Variants in EWSR1 observed in about 807,000 individuals in gnomAD.
The protein encoded by EWSR1 is RNA-binding protein EWS.
In EWSR1, 14 loss-of-function variants were observed where a neutral mutation model predicts 92.1. The observed-to-expected ratio is 0.15, with a 90% CI of 0.10 to 0.24. EWSR1 has a LOEUF of 0.24. EWSR1 is among the 10% of genes least tolerant of loss of function. The pLI, the probability that EWSR1 is intolerant of heterozygous loss-of-function variation, is 1.00. For synonymous variants in EWSR1, 303 were observed against 292.9 expected, an observed-to-expected ratio of 1.03 and a Z score of -0.35; for missense variants, 637 against 870.9, an observed-to-expected ratio of 0.73 and a Z score of 3.38.
chr22:29,289,973 CAT>C (rs1289460489), intron 8 of EWSR1: 1 of 231,916 alleles, frequency 4.3e-6, no homozygotes, highest in African/African-American at 2.2e-5. Context: ...TTAAAATAGA[CAT>C]AGACACTTGA....
Position 29,299,745 on chromosome 22 carries a change from G to A in EWSR1, c.1825G>A (p.Gly609Ser). 1 of 1,610,180 alleles carries A rather than the reference G, an allele frequency of 6.2e-7. No individual in the cohort carries two copies. The highest frequency in any genetic ancestry group is 8.5e-7 in the Non-Finnish European group (1 of 1,177,690). The part of the protein sequence containing the change: ...FRGGRGMDRG[G>S]FGGGRRGGPG... Reference sequence around the variant, plus strand: ...TGGTGGCCGGGGCATGGACCGAGGTGGCTTTGGTGGAGGAAGACGAGGTGG... The same window carrying A: ...TGGTGGCCGGGGCATGGACCGAGGTAGCTTTGGTGGAGGAAGACGAGGTGG... Residue 609 changes from glycine (G) to serine (S), a missense_variant, in exon 16 of 17, where the codon GGC becomes AGC. Gly to Ser is a moderately conservative substitution (Grantham distance 56). Transcript: ENST00000397938.
At chr22:29,273,258 C>T (rs1359925357) in intron 3 of EWSR1, among the ~76,000 whole-genome samples, 1 of 152,216 alleles carries the variant, frequency 6.6e-6, no homozygotes, top group Admixed American at 6.5e-5. Flanking sequence ...TTTTGTCAGG[C>T]TGAAAATCTG....
At chr22:29,287,161 T>G in intron 7 of EWSR1, 27 bp downstream of exon 7, 3 of 1,602,624 alleles carry the variant, frequency 1.9e-6, no homozygotes, top group East Asian at 2.2e-5. Context: ...GAAAACCAAA[T>G]AAGAATGAAT....
intron 11 of EWSR1, among the ~76,000 whole-genome samples, chr22:29,293,399 T>G (rs1442455411): frequency 6.6e-6 from 1 of 152,232 alleles, no homozygotes; most frequent in African/African-American, 2.4e-5. Context: ...GTTCTTGCTC[T>G]TCTGTATTAG....
chr22:29,291,491 GC>G, intron 8 of EWSR1, 70 bp from the exon 9 acceptor site: 9 of 1,475,436 alleles, frequency 6.1e-6, no homozygotes, highest in Non-Finnish European at 8.3e-6. Flanking sequence ...TTCCCCACGA[GC>G]CCCCCCAAGG....
rs760040574 is a variant in EWSR1 at position 29,299,637 on chromosome 22, G to A, written c.1717G>A (p.Gly573Arg). 1 of 1,608,404 alleles carries A rather than the reference G, an allele frequency of 6.2e-7. No homozygotes were observed. Among genetic ancestry groups the A allele is most frequent in the Non-Finnish European group, 8.5e-7 (1 of 1,177,042 alleles). The change falls in exon 16 of 17, where the codon GGA becomes AGA. Residue 573 changes from glycine to arginine, a missense_variant. Gly to Arg is a moderately radical substitution (Grantham distance 125). This residue lies in a region of EWSR1 where 363 missense variants were observed against 447.8 expected (regional missense o/e 0.81). Coordinates refer to ENST00000397938, the MANE Select transcript of EWSR1 (RefSeq NM_005243.4). ...RGRGGPGGMR[G>R]GRGGLMDRGG... ...CAGAGGTGGCCCTGGTGGCATGCGG[G>A]GAGGAAGAGGTGGCCTCATGGATCG...
intron 6 of EWSR1, among the ~76,000 whole-genome samples, chr22:29,283,080 T>C (rs2059740873): frequency 6.6e-6 from 1 of 152,188 alleles, no homozygotes; most frequent in African/African-American, 2.4e-5. Flanking sequence ...AACTATTCTT[T>C]CTAAATACAA....
At position 29,278,044 on chromosome 22, in the gene EWSR1, A is replaced by G. The variant is rs768951742; in HGVS notation, c.241A>G (p.Thr81Ala). 2 of 1,613,682 alleles carry G rather than the reference A, an allele frequency of 1.2e-6. No homozygotes were observed. The highest frequency in any genetic ancestry group is 1.3e-5 in the African/African-American group (1 of 74,922). The stretch of plus-strand genomic sequence containing the variant: ...CTTTGTTCTAGGTTATACTACTCCA[A>G]CTGCCCCCCAGGCATACAGCCAGCC... ...GQPPTGYTTP[T>A]APQAYSQPVQ... The change falls in exon 5 of 17, where the codon ACT becomes GCT. Residue 81 changes from threonine (T) to alanine (A), a missense_variant. Coordinates refer to ENST00000397938, the MANE Select transcript of EWSR1 (RefSeq NM_005243.4).
At chr22:29,288,857 C>CTG in intron 8 of EWSR1, 71 bp downstream of exon 8, 4 of 1,342,164 alleles carry the variant, frequency 3.0e-6, no homozygotes, top group Non-Finnish European at 4.0e-6. Context: ...AAAGAAGGGA[C>CTG]TGAAAGACAT....
At position 29,299,743 on chromosome 22, in the gene EWSR1, G is replaced by C; in HGVS notation, c.1823G>C (p.Gly608Ala). The change falls in exon 16 of 17, where the codon GGT becomes GCT. Residue 608 changes from glycine (G) to alanine (A), a missense_variant. By Grantham distance (60) the Gly-to-Ala change is moderately conservative. This residue lies in a region of EWSR1 where 363 missense variants were observed against 447.8 expected (regional missense o/e 0.81). Transcript: ENST00000397938. ...GFRGGRGMDR[G>A]GFGGGRRGGP... ...CGTGGTGGCCGGGGCATGGACCGAG[G>C]TGGCTTTGGTGGAGGAAGACGAGGT... 6.2e-7 allele frequency: 1 copy of C among 1,610,648 alleles called. No homozygotes were observed. The highest frequency in any genetic ancestry group is 8.5e-7 in the Non-Finnish European group (1 of 1,177,976).
chr22:29,280,898 T>A (rs1006011591), intron 5 of EWSR1, among the ~76,000 whole-genome samples: 1 of 87,982 alleles, frequency 1.1e-5, no homozygotes, highest in African/African-American at 5.8e-5. Context: ...TTTTTTTTTT[T>A]TGACAGAGTC....
chr22:29,276,092 T>G (rs1384146736), intron 4 of EWSR1: 2 of 231,950 alleles, frequency 8.6e-6, no homozygotes, highest in Non-Finnish European at 8.5e-6. Context: ...TGTTGCTGCA[T>G]AGTTTTATGA....
chr22:29,280,938 G>A (rs1175061840), intron 5 of EWSR1, among the ~76,000 whole-genome samples: 2 of 132,324 alleles, frequency 1.5e-5, no homozygotes, highest in African/African-American at 5.8e-5. Context: ...GGAGTGCAGT[G>A]GCGCCATCTC....
chr22:29,274,216 G>C (rs1438798389), intron 4 of EWSR1: 2 of 1,604,064 alleles, frequency 1.2e-6, no homozygotes. Context: ...TCACATGTTT[G>C]CTTCATCTGA....
intron 7 of EWSR1, 60 bp downstream of exon 7, chr22:29,287,194 G>T: frequency 2.0e-6 from 3 of 1,522,412 alleles, no homozygotes; most frequent in East Asian, 4.8e-5. Context: ...TTTTTGTGGG[G>T]TTGATTTTTT....
chr22:29,289,847 A>C (rs989180537), intron 8 of EWSR1: 32 of 231,192 alleles, frequency 1.4e-4, no homozygotes, highest in Non-Finnish European at 2.5e-4. Flanking sequence ...TGAAATCTTT[A>C]TTGGAAGAAA....
chr22:29,289,910 C>T (rs2060321335), intron 8 of EWSR1: 1 of 230,430 alleles, frequency 4.3e-6, no homozygotes, highest in Non-Finnish European at 8.6e-6. Context: ...TAAAATCAAT[C>T]TTCTGATTTG....
intron 6 of EWSR1, 94 bp from the exon 7 acceptor site, chr22:29,286,829 C>G (rs1257094861): frequency 1.2e-6 from 1 of 867,836 alleles, no homozygotes; most frequent in African/African-American, 1.7e-5. Context: ...ATGTCTGTGT[C>G]ACATGGTGTG....
intron 5 of EWSR1, among the ~76,000 whole-genome samples, chr22:29,280,089 T>C (rs185854199): frequency 6.6e-6 from 1 of 152,242 alleles, no homozygotes; most frequent in Admixed American, 6.5e-5. Context: ...GTTGGTTGGT[T>C]GGTTGGTTTT....
Sources: gnomAD v4.1 joint callset for allele counts (sites outside exome capture counted in the v4.1 genomes callset) on GRCh38, gnomAD v4.1.1 for gene constraint, gnomAD v4.1.1 regional missense constraint, MANE v1.5 for transcripts, NCBI Gene and HGNC (gene_info 2026-07-23, HGNC 2026-07-21) for gene names.